UBE3C: variants seen among roughly 807,000 people sequenced by gnomAD.
UBE3C encodes ubiquitin-protein ligase E3C.
UBE3C carries 42 observed loss-of-function variants against 129.4 expected under a neutral mutation model. The ratio of observed to expected loss-of-function variants is 0.32; its 90% CI spans 0.25 to 0.42. The LOEUF (loss-of-function observed/expected upper bound fraction) is 0.42, where lower values mean the gene tolerates loss of function less well. Among genes scored for constraint, UBE3C ranks in the 10% least tolerant of loss-of-function variants. The pLI, the probability that UBE3C is intolerant of heterozygous loss-of-function variation, is 1.00. For missense variants in UBE3C, 1,049 were observed against 1,319.1 expected, an observed-to-expected ratio of 0.80 and a Z score of 3.17; for synonymous variants, 510 against 492.4, an observed-to-expected ratio of 1.04 and a Z score of -0.47.
intron 1 of UBE3C, among the ~76,000 whole-genome samples, chr7:157,143,136 G>A (rs1359539769): frequency 6.6e-5 from 10 of 152,032 alleles, no homozygotes; most frequent in Non-Finnish European, 1.5e-4. Context: ...CAAAGTGCTG[G>A]GATTACAGGT....
rs1795944591 is a variant in UBE3C, at chr7:157,228,793, T to TAAGC, written c.2234-2286_2234-2283dup. ...ACTTGGTATTTCTGTGTGGTGGCTG[T>TAAGC]AAGCCTCAGTCAGTCCAGTAAATTG... On this transcript the variant is annotated intron_variant, in intron 17 of 22. Transcript: ENST00000348165. Among the ~76,000 whole-genome samples the TAAGC allele has an allele frequency of 2.0e-5, 3 of 152,216 alleles. 1 individual carries two copies. In the South Asian group the frequency reaches 6.2e-4, roughly 32 times the overall value.
rs895930539 is a variant in UBE3C, at chr7:157,213,297, C to G, written c.1810-3570C>G. On this transcript the variant is annotated intron_variant, in intron 13 of 22. Transcript: ENST00000348165. Reference sequence around the variant, plus strand: ...ATCTTACTTCATATAACTTACCACACTGGTTCTCAAGTCGTAACTACCTAT... The same window carrying G: ...ATCTTACTTCATATAACTTACCACAGTGGTTCTCAAGTCGTAACTACCTAT... Among the ~76,000 whole-genome samples the G allele has an allele frequency of 9.2e-5, 14 of 152,226 alleles. 1 individual carries two copies. Among genetic ancestry groups the G allele is most frequent in the Non-Finnish European group, 1.8e-4 (12 of 68,042 alleles).
At chr7:157,226,360 A>G (rs934718853) in intron 17 of UBE3C, among the ~76,000 whole-genome samples, 3 of 151,992 alleles carry the variant, frequency 2.0e-5, no homozygotes, top group African/African-American at 7.3e-5. Flanking sequence ...TTTGATACTC[A>G]GTCTTGAAAG....
chr7:157,224,792 A>ACACTCTCT (rs769953235), intron 16 of UBE3C, among the ~76,000 whole-genome samples: 1 of 139,200 alleles, frequency 7.2e-6, no homozygotes, highest in Non-Finnish European at 1.6e-5. Flanking sequence ...ACACACACAC[A>ACACTCTCT]CTCTCTCTCT....
chr7:157,163,818 G>A lies in UBE3C; in HGVS notation c.75G>A (p.Lys25=). The change falls in exon 2 of 23, where the codon AAG becomes AAA. Residue 25 remains lysine, a synonymous_variant. Transcript: ENST00000348165. ...TCTCTGTTTGGGTGTAGGAGGAAAA[G>A]GCTTCTCTTTTACATCGTACTCAGG... ...SLGGASRKEE[K]ASLLHRTQEE... is the part of the protein sequence containing the mutation. 3.1e-6 allele frequency: 5 copies of A among 1,613,504 alleles called. No individual in the cohort carries two copies. The highest frequency in any genetic ancestry group is 4.2e-6 in the Non-Finnish European group (5 of 1,179,728).
intron 16 of UBE3C, among the ~76,000 whole-genome samples, chr7:157,223,575 TA>T (rs11350696): frequency 0.95 from 145,314 of 152,306 alleles, 69,378 homozygotes; most frequent in East Asian, 0.99. Context: ...TGAAAGCCAG[TA>T]AACACTATAG....
intron 2 of UBE3C, among the ~76,000 whole-genome samples, 179 bp downstream of exon 2, chr7:157,164,042 C>A (rs1808147033): frequency 6.6e-6 from 1 of 151,950 alleles, no homozygotes; most frequent in Non-Finnish European, 1.5e-5. Context: ...AAGAGATGGA[C>A]TAAAAGGGCA....
At chr7:157,241,149 G>A (rs1430129876) in intron 18 of UBE3C, among the ~76,000 whole-genome samples, 1 of 152,146 alleles carries the variant, frequency 6.6e-6, no homozygotes, top group Non-Finnish European at 1.5e-5. Context: ...AGCTACTCAC[G>A]CAGAGTGCTC....
chr7:157,145,595 C>G (rs887071160), intron 1 of UBE3C, among the ~76,000 whole-genome samples: 8 of 152,162 alleles, frequency 5.3e-5, no homozygotes, highest in Non-Finnish European at 7.4e-5. Flanking sequence ...AACCACTGAT[C>G]TTTTTACTGT....
chr7:157,250,225 T>C (rs1251367433), intron 19 of UBE3C, among the ~76,000 whole-genome samples: 1 of 152,106 alleles, frequency 6.6e-6, no homozygotes, highest in Non-Finnish European at 1.5e-5. Flanking sequence ...GTTGTTGTTG[T>C]ATTGTTTTGA....
At chr7:157,256,881 C>T (rs1796765426) in intron 21 of UBE3C, 33 bp from the exon 22 acceptor site, 2 of 1,612,406 alleles carry the variant, frequency 1.2e-6, no homozygotes, top group Non-Finnish European at 1.7e-6. Context: ...GTGTGCTTTG[C>T]ATTTCATAAA....
intron 4 of UBE3C, among the ~76,000 whole-genome samples, chr7:157,171,656 T>C (rs1808368095): frequency 8.0e-6 from 1 of 124,282 alleles, no homozygotes; most frequent in African/African-American, 2.8e-5. Context: ...CATTTTTAAA[T>C]ATTTTATATA....
At chr7:157,257,335 T>C (rs759504685) in intron 22 of UBE3C, among the ~76,000 whole-genome samples, 1 of 152,184 alleles carries the variant, frequency 6.6e-6, no homozygotes, top group Admixed American at 6.5e-5. Flanking sequence ...ATTAATAATG[T>C]CTCATAAATC....
chr7:157,170,356 G>A lies in UBE3C; in HGVS notation c.248G>A (p.Gly83Glu), dbSNP rs753292583. 4 of 1,576,256 alleles carry A rather than the reference G, an allele frequency of 2.5e-6. No homozygotes were observed. The highest frequency in any genetic ancestry group is 2.6e-6 in the Non-Finnish European group (3 of 1,164,810). ...CGCTGTGCTACCTTGTCACAGTCCG[G>A]GGGCGCTTTTCCCATTGCTAATGGC... is the stretch of plus-strand genomic sequence containing the variant. ...FDRCATLSQS[G>E]GAFPIANGPN... Residue 83 changes from glycine (G) to glutamate (E), a missense_variant, in exon 4 of 23, where the codon GGG becomes GAG. Around this residue, in one of 4 missense-constraint regions of UBE3C, gnomAD observed 489 missense variants for 513.8 expected, o/e 0.95. Coordinates refer to ENST00000348165, the MANE Select transcript of UBE3C (RefSeq NM_014671.3).
chr7:157,167,714 T>C (rs573361874), intron 2 of UBE3C, among the ~76,000 whole-genome samples: 1 of 151,964 alleles, frequency 6.6e-6, no homozygotes, highest in Non-Finnish European at 1.5e-5. Context: ...TTTTTTGTAT[T>C]TTTAGAAGAG....
chr7:157,149,297 C>T (rs1807692619), intron 1 of UBE3C, among the ~76,000 whole-genome samples: 1 of 152,088 alleles, frequency 6.6e-6, no homozygotes, highest in Non-Finnish European at 1.5e-5. Flanking sequence ...CTCAGGTGAT[C>T]CACCCACCTC....
chr7:157,227,291 G>C (rs964941895), intron 17 of UBE3C, among the ~76,000 whole-genome samples: 12 of 152,176 alleles, frequency 7.9e-5, no homozygotes, highest in African/African-American at 2.9e-4. Flanking sequence ...GGTGAGGGGA[G>C]CTCCGAGGGC....
intron 10 of UBE3C, among the ~76,000 whole-genome samples, chr7:157,201,350 C>T (rs112902099): frequency 0.013 from 1,973 of 151,898 alleles, 35 homozygotes; most frequent in African/African-American, 0.045. Flanking sequence ...AAAGTATAAG[C>T]AGTAATAACA....
At chr7:157,265,780 C>T (rs1797061269) in intron 22 of UBE3C, among the ~76,000 whole-genome samples, 1 of 152,164 alleles carries the variant, frequency 6.6e-6, no homozygotes. Context: ...GACGCTGAAG[C>T]GTTGGTTGCC....
Sources: gnomAD v4.1 joint callset for allele counts (sites outside exome capture counted in the v4.1 genomes callset) on GRCh38, gnomAD v4.1.1 for gene constraint, gnomAD v4.1.1 regional missense constraint, MANE v1.5 for transcripts, NCBI Gene and HGNC (gene_info 2026-07-23, HGNC 2026-07-21) for gene names.